The following PLEKHH2 variants were observed in gnomAD, a reference collection of about 807,000 sequenced individuals.
PLEKHH2 encodes the protein pleckstrin homology, MyTH4 and FERM domain containing H2.
PLEKHH2 carries 129 observed loss-of-function variants against 187.9 expected under a neutral mutation model. The observed-to-expected ratio is 0.69, with a 90% confidence interval of 0.59 to 0.79. PLEKHH2 has a LOEUF of 0.79. Among genes scored for constraint, PLEKHH2 ranks in the 30% least tolerant of loss-of-function variants. The pLI is 0.00. For synonymous variants in PLEKHH2, 686 were observed against 605.6 expected, an observed-to-expected ratio of 1.13 and a Z score of -1.95; for missense variants, 2,076 against 1,751.2, an observed-to-expected ratio of 1.19 and a Z score of -3.31.
In PLEKHH2 at chr2:43,738,344, T is replaced by TG. The variant is rs1461020650; in HGVS notation, c.2948dup (p.Cys983TrpfsTer10). 3.7e-6 allele frequency: 6 copies of TG among 1,608,170 alleles called. No homozygotes were observed. On this transcript the variant is annotated frameshift_variant, in exon 20 of 30. Coordinates refer to ENST00000282406, the MANE Select transcript of PLEKHH2 (RefSeq NM_172069.4). LOFTEE classifies it high-confidence loss of function. ...TATCTTTTTTTGTTTAATTCAGACC[T>TG]GCCAGCTTTTTATAAATGCTGCAGT...
intron 3 of PLEKHH2, chr2:43,680,769 T>C (rs374709015): frequency 5.2e-6 from 2 of 388,214 alleles, no homozygotes; most frequent in East Asian, 1.3e-4. Context: ...CCGTACAAAG[T>C]TTGTCATTCC....
At chr2:43,763,919 A>G (rs966344613) in intron 28 of PLEKHH2, among the ~76,000 whole-genome samples, 2 of 152,132 alleles carry the variant, frequency 1.3e-5, no homozygotes, top group African/African-American at 4.8e-5. Flanking sequence ...AGGGCATATA[A>G]AAAATATTAA....
rs769146247 is a variant in PLEKHH2, at chr2:43,738,513, C to T, written c.3116C>T (p.Pro1039Leu). The change falls in exon 20 of 30, where the codon CCA (proline) becomes CTA (leucine). Residue 1039 changes from proline to leucine, a missense_variant. Physicochemically the swap from Pro to Leu is moderately conservative, Grantham distance 98. Transcript: ENST00000282406. ...RRRQPQNQPGPLQGWQLLALC... is the reference protein window; with the variant it reads ...RRRQPQNQPGLLQGWQLLALC... ...AGACAGCCACAGAATCAACCAGGACCATTGCAGGTAGATATTAATATTGAT... is the reference window on the plus strand; with the variant it reads ...AGACAGCCACAGAATCAACCAGGACTATTGCAGGTAGATATTAATATTGAT... 8.3e-5 allele frequency: 134 copies of T among 1,605,956 alleles called. 1 individual carries two copies. The South Asian group carries it at 1.4e-3, about 17-fold the overall frequency.
At chr2:43,656,925 A>G (rs1457936134) in intron 2 of PLEKHH2, among the ~76,000 whole-genome samples, 1 of 152,236 alleles carries the variant, frequency 6.6e-6, no homozygotes, top group Non-Finnish European at 1.5e-5. Context: ...AGGCTGAGGC[A>G]GAAGAATCGC....
chr2:43,646,019 A>G (rs1666168348), intron 2 of PLEKHH2, among the ~76,000 whole-genome samples: 1 of 152,154 alleles, frequency 6.6e-6, no homozygotes, highest in Admixed American at 6.5e-5. Flanking sequence ...CTAAACTTGC[A>G]TATATATCAT....
At chr2:43,675,117 T>C (rs924781889) in intron 2 of PLEKHH2, 11 of 337,784 alleles carry the variant, frequency 3.3e-5, no homozygotes, top group African/African-American at 4.2e-5. Context: ...AATATTCTAA[T>C]AGACACATTA....
At chr2:43,734,951 C>T (rs1671219392) in intron 19 of PLEKHH2, among the ~76,000 whole-genome samples, 1 of 152,104 alleles carries the variant, frequency 6.6e-6, no homozygotes, top group Non-Finnish European at 1.5e-5. Flanking sequence ...CACTTGAGGC[C>T]AGGAGTTTGA....
At chr2:43,730,882 T>A (rs749487244) in intron 18 of PLEKHH2, among the ~76,000 whole-genome samples, 12 of 152,244 alleles carry the variant, frequency 7.9e-5, no homozygotes, top group Non-Finnish European at 1.3e-4. Flanking sequence ...TGGCTTCTCC[T>A]CTCTAGAGAA....
At chr2:43,642,501 A>G (rs762762411) in intron 1 of PLEKHH2, among the ~76,000 whole-genome samples, 3 of 152,162 alleles carry the variant, frequency 2.0e-5, no homozygotes, top group Non-Finnish European at 4.4e-5. Flanking sequence ...ACAGTGTTGA[A>G]TAGAAGTGGT....
chr2:43,713,099 A>AACACAAACACACACAC lies in PLEKHH2; in HGVS notation c.2460+721_2460+722insAACACACACACACACA, dbSNP rs142157967. ...TGAGTGAACAAATCAATATCAAATC[A>AACACAAACACACACAC]ACACACACACACACACACGCATATA... On this transcript the variant is annotated intron_variant, in intron 15 of 29. Coordinates refer to ENST00000282406, the MANE Select transcript of PLEKHH2 (RefSeq NM_172069.4). Among the ~76,000 whole-genome samples, 1,424 of 150,758 alleles carry AACACAAACACACACAC rather than the reference A, an allele frequency of 9.4e-3. 25 individuals are homozygous for AACACAAACACACACAC. Among genetic ancestry groups the AACACAAACACACACAC allele is most frequent in the African/African-American group, 0.033 (1,348 of 41,030 alleles).
chr2:43,757,080 C>G (rs1672239661), intron 25 of PLEKHH2, 39 bp from the exon 26 acceptor site: 1 of 1,458,494 alleles, frequency 6.9e-7, no homozygotes, highest in African/African-American at 1.5e-5. Flanking sequence ...TCTTAAAACT[C>G]TTTTCAATAT....
rs775073421 is a variant in PLEKHH2, at chr2:43,706,371, G to C, written c.1776G>C (p.Leu592=). 6.2e-7 allele frequency: 1 copy of C among 1,609,396 alleles called. No homozygotes were observed. Among genetic ancestry groups the C allele is most frequent in the Non-Finnish European group, 8.5e-7 (1 of 1,175,974 alleles). The part of the protein sequence containing the change: ...SYTTSGLYTS[L]IYKNMTTPVY... The stretch of plus-strand genomic sequence containing the variant: ...CTACATCAGGACTTTATACATCTCT[G>C]ATATACAAGAACATGACCACCCCAG... Residue 592 remains leucine (L), a synonymous_variant, in exon 10 of 30, where the codon CTG becomes CTC. Transcript: ENST00000282406.
intron 17 of PLEKHH2, among the ~76,000 whole-genome samples, chr2:43,727,060 T>C (rs1265336618): frequency 1.3e-5 from 2 of 150,228 alleles, no homozygotes; most frequent in East Asian, 3.8e-4. Context: ...AAGAATTCAA[T>C]GAAATTATTT....
intron 3 of PLEKHH2, chr2:43,680,533 C>G (rs1668116831): frequency 6.4e-6 from 1 of 156,570 alleles, no homozygotes; most frequent in Admixed American, 6.5e-5. Context: ...AACTTGAGTA[C>G]TACCAAATCT....
chr2:43,703,955 T>C (rs748169893), intron 8 of PLEKHH2, 26 bp from the exon 9 acceptor site: 1 of 704,492 alleles, frequency 1.4e-6, no homozygotes. Flanking sequence ...TTAAATACCC[T>C]GTTCAAACTC....
intron 17 of PLEKHH2, among the ~76,000 whole-genome samples, chr2:43,726,833 T>A (rs1670773512): frequency 6.6e-6 from 1 of 152,178 alleles, no homozygotes; most frequent in Admixed American, 6.5e-5. Flanking sequence ...ATGTATTATA[T>A]GTACATGTAG....
At chr2:43,698,577 A>G (rs576850983) in intron 7 of PLEKHH2, among the ~76,000 whole-genome samples, 1 of 151,998 alleles carries the variant, frequency 6.6e-6, no homozygotes, top group South Asian at 2.1e-4. Context: ...GCCTTTTGAG[A>G]AGCCATTTTC....
intron 14 of PLEKHH2, 134 bp downstream of exon 14, chr2:43,710,709 T>C (rs1215878418): frequency 1.4e-6 from 2 of 1,445,574 alleles, no homozygotes; most frequent in Non-Finnish European, 1.8e-6. Flanking sequence ...TTTGATGCCT[T>C]GGAAGTATGT....
At chr2:43,685,738 G>A (rs867923881) in intron 3 of PLEKHH2, among the ~76,000 whole-genome samples, 12 of 151,044 alleles carry the variant, frequency 7.9e-5, no homozygotes, top group Non-Finnish European at 1.6e-4. Flanking sequence ...CACCACCCAC[G>A]CCTGGCCCTA....
Sources: allele counts gnomAD v4.1 joint callset (sites outside exome capture counted in the v4.1 genomes callset), GRCh38; gene constraint gnomAD v4.1.1; transcripts MANE v1.5; gene names NCBI Gene and HGNC (gene_info 2026-07-23, HGNC 2026-07-21).